Variants in TSPAN10 observed in about 807,000 individuals in gnomAD.
TSPAN10 encodes the protein tetraspanin-10.
TSPAN10 carries 11 observed loss-of-function variants against 15.0 expected under a neutral mutation model. That is an observed-to-expected ratio of 0.73 (90% CI 0.46 to 1.21). The LOEUF (loss-of-function observed/expected upper bound fraction) is 1.21, where lower values mean the gene tolerates loss of function less well. Ranked by LOEUF, TSPAN10 falls within the 50% of genes most tolerant of loss-of-function variation. The pLI is 0.00. For missense variants in TSPAN10, 486 were observed against 470.6 expected (o/e 1.03, Z -0.30); for synonymous variants, 241 against 226.2 (o/e 1.07, Z -0.59).
chr17:81,638,259 T>C (rs7406465), upstream of TSPAN10: 76,712 of 151,850 alleles, frequency 0.51, 21,288 homozygotes, highest in East Asian at 0.99. Flanking sequence ...CAAAAAAAAT[T>C]AGTGTCCTTG....
At chr17:81,641,706 AGGG>A (rs2144375128), upstream of TSPAN10, among the ~76,000 whole-genome samples, 2 of 152,160 alleles carry the variant, frequency 1.3e-5, no homozygotes, top group Admixed American at 1.3e-4. Context: ...ACTTGAGTCC[AGGG>A]GTTCAAGACC....
intron 1 of TSPAN10, among the ~76,000 whole-genome samples, chr17:81,643,747 T>C (rs12950798): frequency 0.5 from 76,264 of 151,658 alleles, 21,007 homozygotes; most frequent in East Asian, 0.99. Flanking sequence ...CCTGATGCTG[T>C]GATCAGCTTC....
upstream of TSPAN10, among the ~76,000 whole-genome samples, chr17:81,642,119 G>A (rs1333509970): frequency 6.6e-6 from 1 of 152,182 alleles, no homozygotes; most frequent in African/African-American, 2.4e-5. Context: ...AAACATGCCT[G>A]CCTGAGTCAC....
upstream of TSPAN10, among the ~76,000 whole-genome samples, chr17:81,639,991 A>AG (rs1184222891): frequency 8.6e-5 from 13 of 150,494 alleles, no homozygotes; most frequent in South Asian, 4.2e-4. Context: ...AAAAAAAAAA[A>AG]AAAAGAAAAG....
At chr17:81,644,742 C>G (rs1421248824) in intron 1 of TSPAN10, among the ~76,000 whole-genome samples, 2 of 152,220 alleles carry the variant, frequency 1.3e-5, no homozygotes, top group Non-Finnish European at 2.9e-5. Context: ...TGCTCATCAC[C>G]CTGTTCTAAA....
chr17:81,644,358 G>A (rs2036214746), intron 1 of TSPAN10, among the ~76,000 whole-genome samples: 1 of 42,528 alleles, frequency 2.4e-5, no homozygotes, highest in Admixed American at 3.4e-4. Flanking sequence ...GTTGGGCAGG[G>A]CACTGTCCTG....
chr17:81,645,040 G>C, exon 2 of TSPAN10: 1 of 1,596,082 alleles, frequency 6.3e-7, no homozygotes, highest in Non-Finnish European at 8.6e-7. Flanking sequence ...ACCCACCTCA[G>C]GCTGCCTAGG....
downstream of TSPAN10, chr17:81,648,501 G>A (rs1233900785): frequency 2.4e-6 from 1 of 413,872 alleles, no homozygotes; most frequent in Non-Finnish European, 3.8e-6. Context: ...GCGAAGCCAC[G>A]GGACTGGCGG....
chr17:81,642,517 C>T, intron 1 of TSPAN10, 69 bp downstream of exon 2: 1 of 1,518,208 alleles, frequency 6.6e-7, no homozygotes, highest in Non-Finnish European at 9.0e-7. Flanking sequence ...TAAGGGAAGT[C>T]CCTGGGCTGG....
chr17:81,641,062 G>A (rs149025941), upstream of TSPAN10, among the ~76,000 whole-genome samples: 783 of 152,170 alleles, frequency 5.1e-3, 4 homozygotes, highest in Non-Finnish European at 8.9e-3. Context: ...TTACTCAGGA[G>A]GCCAAGGCAG....
rs575789983 is a variant in TSPAN10 at position 81,645,813 on chromosome 17, G to A, written c.674+184G>A. On this transcript the variant is annotated intron_variant, in intron 2 of 2. Coordinates refer to ENST00000611590, the Ensembl canonical transcript of TSPAN10. ...CACGTCTCGTGCTCACAGGTTTCAC[G>A]TGTGTGGACACACACCTACACACTC... is the stretch of plus-strand genomic sequence containing the variant. 1.8e-3 allele frequency: 1,370 copies of A among 778,074 alleles called. 3 individuals carry two copies. Among genetic ancestry groups the A allele is most frequent in the Middle Eastern group, 3.6e-3 (10 of 2,810 alleles). 48.2% of individuals were successfully genotyped at this position (778,074 alleles called of 1,614,324 possible). A position where few individuals can be genotyped will look rare whatever the true frequency, so the allele number is the denominator to read the frequency against.
upstream of TSPAN10, chr17:81,637,571 G>A: frequency 1.8e-6 from 1 of 546,984 alleles, no homozygotes; most frequent in East Asian, 3.1e-5. Context: ...AGCCAAGGTG[G>A]ACGGATCACC....
In TSPAN10 at chr17:81,647,729, T is replaced by G; in HGVS notation, c.675-172T>G. On this transcript the variant is annotated intron_variant, in intron 2 of 2. Transcript: ENST00000611590. ...GGATACGTTATAGAGAGCCAGGTGC[T>G]GTGTGTGTCCGTGTGTGCAGGTGTG... The G allele has an allele frequency of 4.4e-6, 3 of 686,558 alleles. No individual in the cohort carries two copies. In the East Asian group the frequency reaches 8.1e-5, roughly 19 times the overall value. 42.5% of individuals were successfully genotyped at this position (686,558 alleles called of 1,614,324 possible).
chr17:81,639,490 G>A (rs1375527852), upstream of TSPAN10, among the ~76,000 whole-genome samples: 2 of 151,794 alleles, frequency 1.3e-5, no homozygotes, highest in African/African-American at 4.8e-5. Flanking sequence ...ATAGGCATGA[G>A]CCACCATGCC....
chr17:81,645,471 G>T, exon 2 of TSPAN10: 1 of 1,580,270 alleles, frequency 6.3e-7, no homozygotes, highest in African/African-American at 1.3e-5. Flanking sequence ...CCCTGGTGGT[G>T]GCCCTCTGGG....
intron 2 of TSPAN10, among the ~76,000 whole-genome samples, chr17:81,646,935 C>A (rs1253177782): frequency 6.6e-6 from 1 of 151,798 alleles, no homozygotes; most frequent in East Asian, 2.0e-4. Context: ...AAGAGGGTAG[C>A]TGTCTGTTTT....
exon 1 of TSPAN10, chr17:81,637,280 G>T: frequency 1.8e-6 from 1 of 554,418 alleles, no homozygotes; most frequent in South Asian, 2.1e-5. Flanking sequence ...AAACCCAAGC[G>T]GCACAGGAAA....
intron 2 of TSPAN10, chr17:81,646,642 T>C (rs1251074035): frequency 7.0e-6 from 1 of 142,774 alleles, no homozygotes; most frequent in African/African-American, 2.6e-5. Flanking sequence ...ATCGCCCCAC[T>C]GCACTCCAGC....
chr17:81,642,405 C>G, upstream of TSPAN10: 1 of 1,613,484 alleles, frequency 6.2e-7, no homozygotes, highest in South Asian at 1.1e-5. Flanking sequence ...TCTGTTCCAG[C>G]GTCAAGGATG....
Sources: gnomAD v4.1 joint callset for allele counts (sites outside exome capture counted in the v4.1 genomes callset) on GRCh38, gnomAD v4.1.1 for gene constraint, MANE v1.5 for transcripts, NCBI Gene and HGNC (gene_info 2026-07-23, HGNC 2026-07-21) for gene names.